TTC34: variants seen among roughly 807,000 people sequenced by gnomAD.
TTC34 encodes the protein tetratricopeptide repeat protein 34.
Under a neutral mutation model 40.7 loss-of-function variants are expected in TTC34, and 44 were observed. That is an observed-to-expected ratio of 1.08 (90% confidence interval 0.85 to 1.39). TTC34 has a LOEUF of 1.39. Ranked by LOEUF, TTC34 falls within the 40% of genes most tolerant of loss-of-function variation. TTC34 has a pLI of 0.00. For synonymous variants in TTC34, 422 were observed against 398.6 expected, an observed-to-expected ratio of 1.06 and a Z score of -0.70; for missense variants, 884 against 838.0, an observed-to-expected ratio of 1.05 and a Z score of -0.68.
exon 9 of TTC34, chr1:2,640,755 G>A (rs1017063985): frequency 2.0e-5 from 3 of 151,784 alleles, no homozygotes; most frequent in African/African-American, 7.3e-5. Flanking sequence ...AAGGGCCCCA[G>A]GAGTCTGGCC....
exon 9 of TTC34, chr1:2,638,114 A>G (rs964871299): frequency 2.6e-5 from 4 of 152,004 alleles, no homozygotes; most frequent in Admixed American, 6.6e-5. Context: ...CCTAGAAATG[A>G]TGCTCATTTT....
chr1:2,688,493 A>G lies in TTC34; in HGVS notation c.2227-42930T>C, dbSNP rs1446294440. Among the ~76,000 whole-genome samples, 3 of 81,172 alleles carry G rather than the reference A, an allele frequency of 3.7e-5. 1 individual carries two copies. Among genetic ancestry groups the G allele is most frequent in the African/African-American group, 2.0e-4 (3 of 14,990 alleles). 53.3% of individuals were successfully genotyped at this position (81,172 alleles called of 152,430 possible). A position where few individuals can be genotyped will look rare whatever the true frequency, so the allele number is the denominator to read the frequency against. ...CATTGTGGAGCAGCACCCCACACCCACAGGTGAGCATCTGACAGCCTGTAA... is the reference window on the plus strand; with the variant it reads ...CATTGTGGAGCAGCACCCCACACCCGCAGGTGAGCATCTGACAGCCTGTAA... On this transcript the variant is annotated intron_variant, in intron 6 of 8. Coordinates refer to ENST00000401095, the Ensembl canonical transcript of TTC34.
intron 6 of TTC34, among the ~76,000 whole-genome samples, chr1:2,764,229 C>A (rs1203635077): frequency 2.3e-5 from 3 of 133,232 alleles, no homozygotes; most frequent in South Asian, 2.5e-4. Flanking sequence ...CACACCCAGG[C>A]GAGCATCTGA....
At chr1:2,777,846 G>A (rs1054356508) in intron 6 of TTC34, among the ~76,000 whole-genome samples, 1 of 152,200 alleles carries the variant, frequency 6.6e-6, no homozygotes, top group African/African-American at 2.4e-5. Flanking sequence ...TGGACACAGC[G>A]GGAGGAGGGG....
chr1:2,694,614 C>CTTCCT (rs1259841096), intron 6 of TTC34, among the ~76,000 whole-genome samples: 2,317 of 39,084 alleles, frequency 0.059, 201 homozygotes, highest in Middle Eastern at 0.1. Context: ...TCTGAAACCA[C>CTTCCT]GGAGCAGCAC....
At chr1:2,750,799 G>A (rs1325498736) in intron 6 of TTC34, among the ~76,000 whole-genome samples, 21 of 34,988 alleles carry the variant, frequency 6.0e-4, no homozygotes, top group Middle Eastern at 0.02. Flanking sequence ...CTGGAGCAGC[G>A]CCCACACCCC....
chr1:2,798,411 T>C (rs147915970), intron 2 of TTC34, among the ~76,000 whole-genome samples: 60 of 9,372 alleles, frequency 6.4e-3, no homozygotes, highest in Admixed American at 9.7e-3. Flanking sequence ...CCCAGCCTCC[T>C]AGCCTCCCAG....
At chr1:2,749,378 T>TCC (rs1641243304) in intron 6 of TTC34, among the ~76,000 whole-genome samples, 11 of 80,070 alleles carry the variant, frequency 1.4e-4, no homozygotes, top group East Asian at 4.0e-4. Flanking sequence ...GGTGAGACCC[T>TCC]GACAGCCTGG....
At chr1:2,773,194 G>A (rs1642581418) in intron 6 of TTC34, among the ~76,000 whole-genome samples, 3 of 136,512 alleles carry the variant, frequency 2.2e-5, no homozygotes, top group African/African-American at 5.4e-5. Flanking sequence ...GTGAGCATGT[G>A]ACAGCCTGGA....
chr1:2,782,023 T>C (rs1418577848), intron 6 of TTC34, among the ~76,000 whole-genome samples: 1 of 152,242 alleles, frequency 6.6e-6, no homozygotes, highest in African/African-American at 2.4e-5. Flanking sequence ...CCTCATAGAA[T>C]GAGTCTGAGG....
At chr1:2,651,881 C>T (rs528462438) in intron 6 of TTC34, among the ~76,000 whole-genome samples, 36 of 152,048 alleles carry the variant, frequency 2.4e-4, no homozygotes, top group Non-Finnish European at 4.1e-4. Flanking sequence ...CAACAACTCA[C>T]GATTTTGGGT....
At chr1:2,751,355 C>G (rs1190652576) in intron 6 of TTC34, among the ~76,000 whole-genome samples, 465 of 44,478 alleles carry the variant, frequency 0.01, no homozygotes, top group African/African-American at 0.022. Context: ...CAGCCTGGGT[C>G]GGCACCCACA....
chr1:2,799,963 T>C (rs2100638907), intron 2 of TTC34, 81 bp downstream of exon 2: 1 of 398,340 alleles, frequency 2.5e-6, no homozygotes, highest in Non-Finnish European at 4.4e-6. Context: ...CACCCCATCA[T>C]GGCAGGACAT....
At position 2,641,935 on chromosome 1, in the gene TTC34, C is replaced by G. The variant is rs1248696320; in HGVS notation, c.2713-40G>C. ...CAGAGAGAGGCAGGGAGAGTGGGGT[C>G]AGCCCCAAAAGCCCGGCCGCCCCTG... On this transcript the variant is annotated intron_variant, in intron 8 of 8. Transcript: ENST00000401095. 2.1e-6 allele frequency: 3 copies of G among 1,437,228 alleles called. No individual in the cohort carries two copies. In the East Asian group the frequency reaches 7.5e-5, roughly 36 times the overall value. 89.0% of individuals were successfully genotyped at this position (1,437,228 alleles called of 1,614,324 possible). A position where few individuals can be genotyped will look rare whatever the true frequency, so the allele number is the denominator to read the frequency against.
intron 2 of TTC34, among the ~76,000 whole-genome samples, chr1:2,798,515 A>C (rs1371144118): frequency 4.7e-4 from 11 of 23,296 alleles, no homozygotes; most frequent in Admixed American, 6.4e-4. Flanking sequence ...CTCAGCCTCC[A>C]AACCTCCCAA....
chr1:2,800,928 C>T, intron 1 of TTC34, 60 bp from the exon 2 acceptor site: 1 of 398,110 alleles, frequency 2.5e-6, no homozygotes, highest in Non-Finnish European at 4.4e-6. Flanking sequence ...GCCCTGTGGC[C>T]ACCCGTGCCC....
At chr1:2,695,015 C>A (rs796245149) in intron 6 of TTC34, among the ~76,000 whole-genome samples, 7 of 71,128 alleles carry the variant, frequency 9.8e-5, no homozygotes, top group Non-Finnish European at 2.1e-4. Flanking sequence ...ATCTGACAGC[C>A]TGGAACAGCA....
intron 6 of TTC34, among the ~76,000 whole-genome samples, chr1:2,698,623 G>C (rs1270487951): frequency 1.3e-4 from 2 of 15,780 alleles, no homozygotes; most frequent in South Asian, 4.5e-3. Context: ...GACGAGCATC[G>C]GACAGCCTGG....
chr1:2,638,380 A>G (rs1208521366), exon 9 of TTC34: 1 of 152,248 alleles, frequency 6.6e-6, no homozygotes, highest in East Asian at 1.9e-4. Context: ...GCTAGCTCAC[A>G]TTAGCTGCTG....
Sources: allele counts gnomAD v4.1 joint callset (sites outside exome capture counted in the v4.1 genomes callset), GRCh38; gene constraint gnomAD v4.1.1; transcripts MANE v1.5; gene names NCBI Gene and HGNC (gene_info 2026-07-23, HGNC 2026-07-21).